TSHZ2: variants seen among roughly 807,000 people sequenced by gnomAD.
The protein encoded by TSHZ2 is teashirt homolog 2.
Under a neutral mutation model 74.4 loss-of-function variants are expected in TSHZ2, and 21 were observed. The ratio of observed to expected loss-of-function variants is 0.28; its 90% CI spans 0.20 to 0.41. The LOEUF is 0.41. TSHZ2 is among the 10% of genes least tolerant of loss of function. The pLI is 1.00. For missense variants in TSHZ2, 1,244 were observed against 1,293.5 expected (o/e 0.96, Z 0.59); for synonymous variants, 540 against 515.3 (o/e 1.05, Z -0.65).
chr20:53,335,276 G>T (rs1009066836), intron 2 of TSHZ2, among the ~76,000 whole-genome samples: 7 of 152,226 alleles, frequency 4.6e-5, no homozygotes, highest in Non-Finnish European at 1.0e-4. Context: ...TGCACAGTGA[G>T]ATTTGAGATC....
chr20:53,073,274 C>A (rs1454964599), intron 1 of TSHZ2, among the ~76,000 whole-genome samples: 3 of 141,892 alleles, frequency 2.1e-5, no homozygotes, highest in African/African-American at 8.2e-5. Context: ...CCATCCATCC[C>A]TCCATTCATC....
At chr20:53,115,880 G>T (rs532938964) in intron 1 of TSHZ2, among the ~76,000 whole-genome samples, 1 of 152,058 alleles carries the variant, frequency 6.6e-6, no homozygotes, top group Non-Finnish European at 1.5e-5. Flanking sequence ...TAGAAATTAT[G>T]GTTTCATATT....
At chr20:53,179,023 G>C (rs1332329054) in intron 1 of TSHZ2, 3 of 152,048 alleles carry the variant, frequency 2.0e-5, no homozygotes, top group African/African-American at 7.2e-5. Context: ...AGGGGAAAGG[G>C]GTCAAACCCT....
chr20:53,174,332 C>T (rs2525482), intron 1 of TSHZ2, among the ~76,000 whole-genome samples: 9,449 of 152,264 alleles, frequency 0.062, 353 homozygotes, highest in Non-Finnish European at 0.077. Flanking sequence ...TTGCCTTGAG[C>T]TTCAGATCTA....
At chr20:53,463,811 A>G (rs1409661713) in intron 2 of TSHZ2, among the ~76,000 whole-genome samples, 1 of 152,192 alleles carries the variant, frequency 6.6e-6, no homozygotes, top group Non-Finnish European at 1.5e-5. Flanking sequence ...GACATCTCTG[A>G]GTCACTTATT....
At chr20:53,391,747 A>C (rs1387101717) in intron 2 of TSHZ2, among the ~76,000 whole-genome samples, 1 of 152,226 alleles carries the variant, frequency 6.6e-6, no homozygotes, top group Non-Finnish European at 1.5e-5. Flanking sequence ...GTTTGAGAAC[A>C]GTGTGGCCAA....
At position 53,133,381 on chromosome 20, in the gene TSHZ2, G is replaced by A. The variant is rs376541505; in HGVS notation, c.41-120118G>A. 7.2e-5 allele frequency among the ~76,000 whole-genome samples: 11 copies of A among 152,278 alleles called. No homozygotes were observed. The South Asian group carries it at 8.3e-4, about 11-fold the overall frequency. ...GACACAAGGATAAAGCACCCAGTTC[G>A]AGCCAGCTCCAGTGTCTCTCCACTT... is the stretch of plus-strand genomic sequence containing the variant. On this transcript the variant is annotated intron_variant, in intron 1 of 2. Transcript: ENST00000371497.
At chr20:53,078,576 T>C (rs987384172) in intron 1 of TSHZ2, among the ~76,000 whole-genome samples, 23 of 152,228 alleles carry the variant, frequency 1.5e-4, no homozygotes, top group African/African-American at 5.3e-4. Flanking sequence ...TCATAAATTA[T>C]CTTTGAAAAA....
chr20:53,115,029 T>C (rs1457394799), intron 1 of TSHZ2, among the ~76,000 whole-genome samples: 2 of 152,154 alleles, frequency 1.3e-5, no homozygotes, highest in South Asian at 4.1e-4. Context: ...GAAGTGTCCT[T>C]GCAGGGGCCA....
intron 1 of TSHZ2, among the ~76,000 whole-genome samples, chr20:53,084,056 G>T (rs1282365475): frequency 6.6e-6 from 1 of 152,032 alleles, no homozygotes; most frequent in African/African-American, 2.4e-5. Context: ...CATAATGTTT[G>T]CCACAGAATA....
At chr20:53,143,613 A>G (rs1987464582) in intron 1 of TSHZ2, among the ~76,000 whole-genome samples, 1 of 152,192 alleles carries the variant, frequency 6.6e-6, no homozygotes, top group Non-Finnish European at 1.5e-5. Flanking sequence ...AATGGCGTGA[A>G]CACGGGAGGA....
chr20:53,090,559 G>A (rs1472743311), intron 1 of TSHZ2, among the ~76,000 whole-genome samples: 4 of 152,192 alleles, frequency 2.6e-5, no homozygotes, highest in Non-Finnish European at 5.9e-5. Context: ...AACTTTGGCT[G>A]GGTTTGGAAT....
intron 2 of TSHZ2, among the ~76,000 whole-genome samples, chr20:53,389,087 G>C (rs1449574959): frequency 6.6e-6 from 1 of 152,166 alleles, no homozygotes; most frequent in Non-Finnish European, 1.5e-5. Flanking sequence ...GAACATACTG[G>C]AATGTGTGAC....
At chr20:53,001,230 G>GTGTGTGTGTGTGTGTA (rs1982421108) in intron 1 of TSHZ2, among the ~76,000 whole-genome samples, 65 of 126,204 alleles carry the variant, frequency 5.2e-4, no homozygotes, top group African/African-American at 1.2e-3. Context: ...GTGTGTGTGT[G>GTGTGTGTGTGTGTGTA]TGTGTGTGTG....
At chr20:53,136,415 G>T (rs1987246970) in intron 1 of TSHZ2, among the ~76,000 whole-genome samples, 1 of 151,180 alleles carries the variant, frequency 6.6e-6, no homozygotes, top group South Asian at 2.1e-4. Context: ...ATTAATTTGA[G>T]CTTACATGGC....
chr20:53,137,567 C>T (rs540667419), intron 1 of TSHZ2, among the ~76,000 whole-genome samples: 75 of 152,250 alleles, frequency 4.9e-4, no homozygotes, highest in African/African-American at 1.5e-3. Context: ...TCAAATCTGC[C>T]GCTAAATCCT....
chr20:53,164,426 A>T (rs1489768552), intron 1 of TSHZ2, among the ~76,000 whole-genome samples: 1 of 51,700 alleles, frequency 1.9e-5, no homozygotes, highest in Non-Finnish European at 3.4e-5. Context: ...CACCTTTCTT[A>T]AAAAAAAAAA....
At chr20:53,345,257 T>G (rs1172262437) in intron 2 of TSHZ2, among the ~76,000 whole-genome samples, 4 of 151,710 alleles carry the variant, frequency 2.6e-5, no homozygotes, top group Non-Finnish European at 4.4e-5. Context: ...ACAGCACAGG[T>G]GAGATGACAG....
Position 53,254,001 on chromosome 20 carries a change from G to A in TSHZ2, c.543G>A (p.Leu181=). The A allele has an allele frequency of 6.2e-7, 1 of 1,614,146 alleles. No homozygotes were observed. Among genetic ancestry groups the A allele is most frequent in the Non-Finnish European group, 8.5e-7 (1 of 1,180,026 alleles). The change falls in exon 2 of 3, where the codon TTG becomes TTA. Residue 181 remains leucine, a synonymous_variant. Transcript: ENST00000371497. The stretch of plus-strand genomic sequence containing the variant: ...TGTCCAAAAGCCTGCAGCAGAACTT[G>A]CCTTCTCGGTCCGTCTCGAAACCCA... ...DALSKSLQQN[L]PSRSVSKPSL...
Sources: allele counts gnomAD v4.1 joint callset (sites outside exome capture counted in the v4.1 genomes callset), GRCh38; gene constraint gnomAD v4.1.1; transcripts MANE v1.5; gene names NCBI Gene and HGNC (gene_info 2026-07-23, HGNC 2026-07-21).